The following ZNF362 variants were observed in gnomAD, a reference collection of about 807,000 sequenced individuals.
ZNF362 encodes the protein zinc finger protein 362.
A neutral mutation model predicts 42.9 loss-of-function variants in ZNF362; 11 were observed. The observed-to-expected ratio is 0.26, with a 90% CI of 0.16 to 0.42. ZNF362 has a LOEUF of 0.42. Among genes scored for constraint, ZNF362 ranks in the 20% least tolerant of loss-of-function variants. ZNF362 has a pLI of 1.00. For synonymous variants in ZNF362, 255 were observed against 257.3 expected, an observed-to-expected ratio of 0.99 and a Z score of 0.09; for missense variants, 362 against 576.2, an observed-to-expected ratio of 0.63 and a Z score of 3.81.
chr1:33,168,650 T>G, the ZNF362 span, among the ~76,000 whole-genome samples: 5 of 152,192 alleles, frequency 3.3e-5, no homozygotes, highest in Non-Finnish European at 7.4e-5. Context: ...CAGCTGAAAG[T>G]CATTCCTAAC....
intron 6 of ZNF362, among the ~76,000 whole-genome samples, chr1:33,292,629 G>C (rs1435931421): frequency 6.6e-6 from 1 of 152,182 alleles, no homozygotes; most frequent in Non-Finnish European, 1.5e-5. Flanking sequence ...GATTGGAATA[G>C]TTTCAGAAGG....
At chr1:33,165,408 C>A in the ZNF362 span, 1 of 1,451,100 alleles carries the variant, frequency 6.9e-7, no homozygotes. The surrounding 1 kb of genome is among the most constrained non-coding windows in gnomAD (Gnocchi z 4.0). Flanking sequence ...CCAGCTGGCC[C>A]CGCCCCTCGA....
chr1:33,130,076 C>T, the ZNF362 span, among the ~76,000 whole-genome samples: 2 of 152,270 alleles, frequency 1.3e-5, no homozygotes, highest in South Asian at 4.1e-4. Flanking sequence ...TCAGGCTAGT[C>T]TCAAACTCCT....
chr1:33,217,259 G>T, the ZNF362 span, among the ~76,000 whole-genome samples: 1 of 152,196 alleles, frequency 6.6e-6, no homozygotes. Flanking sequence ...TATGAAGTGA[G>T]AGCAGTGAGG....
intron 1 of ZNF362, 75 bp from the exon 2 acceptor site, chr1:33,270,412 G>A: frequency 1.7e-6 from 1 of 595,406 alleles, no homozygotes; most frequent in Non-Finnish European, 3.1e-6. Context: ...ACACATAGAT[G>A]TTGAAATCAA....
At chr1:33,133,743 C>T in the ZNF362 span, among the ~76,000 whole-genome samples, 4 of 152,210 alleles carry the variant, frequency 2.6e-5, no homozygotes, top group South Asian at 2.1e-4. Context: ...GCAGCCTTGG[C>T]CCACACAACA....
upstream of ZNF362, among the ~76,000 whole-genome samples, chr1:33,256,383 A>G (rs1645790409): frequency 7.4e-6 from 1 of 135,202 alleles, no homozygotes; most frequent in African/African-American, 2.7e-5. Context: ...GCCCCCCCGG[A>G]GCCGGGCGCC....
the ZNF362 span, among the ~76,000 whole-genome samples, chr1:33,246,457 G>A: frequency 0.19 from 28,921 of 152,152 alleles, 3,122 homozygotes; most frequent in South Asian, 0.25. Context: ...AGCACCAATC[G>A]ATGTTCACTC....
the ZNF362 span, among the ~76,000 whole-genome samples, chr1:33,134,716 C>G: frequency 6.6e-6 from 1 of 152,238 alleles, no homozygotes; most frequent in Non-Finnish European, 1.5e-5. Flanking sequence ...ACATGCGGGT[C>G]TCTGGGTTCT....
chr1:33,250,829 A>AAAG, the ZNF362 span, among the ~76,000 whole-genome samples: 50 of 146,034 alleles, frequency 3.4e-4, no homozygotes, highest in South Asian at 1.5e-3. Flanking sequence ...GAGAAGAAGA[A>AAAG]AAGAAGAAGA....
chr1:33,128,253 G>A, the ZNF362 span, among the ~76,000 whole-genome samples: 3 of 151,462 alleles, frequency 2.0e-5, no homozygotes, highest in Admixed American at 6.6e-5. Context: ...AAGCACCTGC[G>A]GTCCCAGCTA....
At chr1:33,193,868 C>T in the ZNF362 span, among the ~76,000 whole-genome samples, 16 of 152,252 alleles carry the variant, frequency 1.1e-4, no homozygotes, top group East Asian at 1.9e-3. Context: ...AAGGCAGTAA[C>T]GGTACTAACA....
At chr1:33,127,928 C>T in the ZNF362 span, among the ~76,000 whole-genome samples, 1 of 152,168 alleles carries the variant, frequency 6.6e-6, no homozygotes, top group African/African-American at 2.4e-5. Flanking sequence ...GACTCCTACC[C>T]TCCACTGCCT....
intron 1 of ZNF362, among the ~76,000 whole-genome samples, chr1:33,265,826 G>A (rs540911157): frequency 4.6e-5 from 7 of 152,182 alleles, no homozygotes; most frequent in South Asian, 2.1e-4. Context: ...TTCTTTCACC[G>A]GAGCACCTTA....
the ZNF362 span, among the ~76,000 whole-genome samples, chr1:33,200,519 T>C: frequency 6.6e-6 from 1 of 152,020 alleles, no homozygotes; most frequent in Non-Finnish European, 1.5e-5. Context: ...TCAGACTGAA[T>C]AAAAAAGCAA....
rs182984008 is a variant in ZNF362 at position 33,259,140 on chromosome 1, T to C, written c.-89+2486T>C. Among the ~76,000 whole-genome samples the C allele has an allele frequency of 6.9e-4, 105 of 152,304 alleles. 1 individual carries two copies. The highest frequency in any genetic ancestry group is 2.1e-3 in the African/African-American group (87 of 41,562). On this transcript the variant is annotated intron_variant, in intron 1 of 8. Transcript: ENST00000539719. ...AGCTACTGGCTGGAAGTCAGTGATTTGGGTCTCAGAACCAGACCCTGATCT... is the reference window on the plus strand; with the variant it reads ...AGCTACTGGCTGGAAGTCAGTGATTCGGGTCTCAGAACCAGACCCTGATCT...
chr1:33,165,448 C>T, the ZNF362 span: 1 of 1,564,180 alleles, frequency 6.4e-7, no homozygotes, highest in Non-Finnish European at 8.7e-7. The surrounding 1 kb of genome is among the most constrained non-coding windows in gnomAD (Gnocchi z 4.0). Flanking sequence ...CCGGCCCCAC[C>T]TCCGCGCCCC....
At chr1:33,261,885 G>T (rs1472929845) in intron 1 of ZNF362, among the ~76,000 whole-genome samples, 1 of 152,180 alleles carries the variant, frequency 6.6e-6, no homozygotes, top group African/African-American at 2.4e-5. Context: ...ATCTGCCTTG[G>T]GGATCAAAGG....
chr1:33,150,728 G>A, the ZNF362 span, among the ~76,000 whole-genome samples: 13 of 152,160 alleles, frequency 8.5e-5, no homozygotes, highest in African/African-American at 3.1e-4. Context: ...CAGTGGGGTC[G>A]GGAGGTGGGA....
Sources: gnomAD v4.1 joint callset for allele counts (sites outside exome capture counted in the v4.1 genomes callset) on GRCh38, gnomAD v4.1.1 for gene constraint, Gnocchi (gnomAD v3.1) non-coding constraint, MANE v1.5 for transcripts, NCBI Gene and HGNC (gene_info 2026-07-23, HGNC 2026-07-21) for gene names.